MIB1: variants seen among roughly 807,000 people sequenced by gnomAD.
The protein encoded by MIB1 is E3 ubiquitin-protein ligase MIB1.
A neutral mutation model predicts 124.5 loss-of-function variants in MIB1; 278 were observed. That is an observed-to-expected ratio of 2.23 (90% CI 2.02 to 2.47). The LOEUF is 2.47. Among genes scored for constraint, MIB1 ranks in the 30% most tolerant of loss-of-function variants. MIB1 has a pLI of 0.00. For synonymous variants in MIB1, 446 were observed against 429.4 expected (o/e 1.04, Z -0.48); for missense variants, 957 against 1,254.4 (o/e 0.76, Z 3.58).
chr18:21,836,554 T>C (rs989382117), intron 12 of MIB1, among the ~76,000 whole-genome samples: 1 of 152,172 alleles, frequency 6.6e-6, no homozygotes. Flanking sequence ...TTATCAATTA[T>C]AGGCATCTAG....
intron 12 of MIB1, among the ~76,000 whole-genome samples, chr18:21,820,645 A>G (rs1459001898): frequency 6.6e-6 from 1 of 152,186 alleles, no homozygotes; most frequent in East Asian, 1.9e-4. Context: ...AGACAGTAGT[A>G]TTATATTTCC....
At chr18:21,752,281 A>G (rs990041789) in intron 1 of MIB1, among the ~76,000 whole-genome samples, 4 of 152,198 alleles carry the variant, frequency 2.6e-5, no homozygotes, top group African/African-American at 9.7e-5. Flanking sequence ...CTGCTCAACT[A>G]TCATATAATA....
At chr18:21,705,715 G>C (rs1200983380) in intron 1 of MIB1, among the ~76,000 whole-genome samples, 1 of 152,210 alleles carries the variant, frequency 6.6e-6, no homozygotes, top group Non-Finnish European at 1.5e-5. Flanking sequence ...ACATGAGACG[G>C]ACCAGAAGTG....
chr18:21,767,102 A>G lies in MIB1; in HGVS notation c.401+1159A>G, dbSNP rs144694362. Among the ~76,000 whole-genome samples the G allele has an allele frequency of 4.1e-3, 628 of 152,278 alleles. 2 individuals are homozygous for G. The highest frequency in any genetic ancestry group is 0.01 in the Middle Eastern group (3 of 294). On this transcript the variant is annotated intron_variant, in intron 2 of 20. Transcript: ENST00000261537. ...CTGTGAGAACAGGTTAGTGTAGGTA[A>G]AATCCAGACCACAGATGTATTTTAC...
At chr18:21,814,660 G>T (rs973265028) in intron 10 of MIB1, among the ~76,000 whole-genome samples, 1 of 151,896 alleles carries the variant, frequency 6.6e-6, no homozygotes, top group Non-Finnish European at 1.5e-5. Flanking sequence ...TGCAACCTCT[G>T]CCTCCCGGAT....
At chr18:21,736,344 A>C (rs892681982), upstream of MIB1, among the ~76,000 whole-genome samples, 3 of 152,218 alleles carry the variant, frequency 2.0e-5, no homozygotes, top group Admixed American at 2.0e-4. Flanking sequence ...ATCAACAAAA[A>C]GGACGTCATC....
At chr18:21,830,660 AG>A (rs2146491573) in intron 12 of MIB1, 1 of 152,264 alleles carries the variant, frequency 6.6e-6, no homozygotes, top group South Asian at 2.1e-4. Context: ...GCAGGAAGAA[AG>A]GTAGTAACCT....
intron 8 of MIB1, among the ~76,000 whole-genome samples, chr18:21,799,357 A>G (rs951699091): frequency 2.0e-5 from 3 of 152,024 alleles, no homozygotes. Context: ...GTTTCAACCT[A>G]AAGAAAATTG....
intron 1 of MIB1, among the ~76,000 whole-genome samples, chr18:21,729,591 T>G: frequency 6.6e-6 from 1 of 152,118 alleles, no homozygotes; most frequent in East Asian, 1.9e-4. Flanking sequence ...CCGGGTTCAA[T>G]TGATTCTCCC....
intron 1 of MIB1, among the ~76,000 whole-genome samples, chr18:21,760,105 G>C (rs993896458): frequency 3.9e-5 from 6 of 151,964 alleles, no homozygotes; most frequent in Admixed American, 3.9e-4. Flanking sequence ...CAAAGGAAAA[G>C]GGCATTAACT....
At chr18:21,719,981 A>G (rs2040707470) in intron 1 of MIB1, among the ~76,000 whole-genome samples, 1 of 152,162 alleles carries the variant, frequency 6.6e-6, no homozygotes, top group African/African-American at 2.4e-5. Flanking sequence ...CTAAGAATAA[A>G]ACGTTTAAAA....
intron 6 of MIB1, among the ~76,000 whole-genome samples, chr18:21,781,410 TATATAA>T (rs2041365554): frequency 6.2e-5 from 6 of 96,716 alleles, no homozygotes; most frequent in South Asian, 3.4e-4. Context: ...TATATATATA[TATATAA>T]AATTATTATT....
intron 18 of MIB1, chr18:21,854,842 G>C (rs937290268): frequency 9.7e-6 from 2 of 206,898 alleles, no homozygotes; most frequent in Non-Finnish European, 2.0e-5. Context: ...CTTGAAGTCT[G>C]CCTGGGCACA....
chr18:21,748,645 G>A (rs2040939446), intron 1 of MIB1, among the ~76,000 whole-genome samples: 1 of 150,902 alleles, frequency 6.6e-6, no homozygotes, highest in Non-Finnish European at 1.5e-5. Context: ...TGCCCAGGTT[G>A]GTCTTGAACT....
Position 21,844,250 on chromosome 18 carries a change from C to CA in MIB1, c.2209dup (p.Thr737AsnfsTer29). ...ATGCTGCCTGGGAGCCATCCAAAAACACGGTGAGTAAAGATCATCTTTCAT... is the reference window on the plus strand; with the variant it reads ...ATGCTGCCTGGGAGCCATCCAAAAACAACGGTGAGTAAAGATCATCTTTCAT... On this transcript the variant is annotated frameshift_variant, in exon 15 of 21. Transcript: ENST00000261537. LOFTEE classifies it high-confidence loss of function. 2 of 1,613,992 alleles carry CA rather than the reference C, an allele frequency of 1.2e-6. No homozygotes were observed. Among genetic ancestry groups the CA allele is most frequent in the Non-Finnish European group, 1.7e-6 (2 of 1,179,926 alleles).
rs2041336174 is a variant in MIB1, at chr18:21,779,690, G to A, written c.908+5G>A. The A allele has an allele frequency of 3.1e-6, 5 of 1,607,292 alleles. No individual in the cohort carries two copies. The highest frequency in any genetic ancestry group is 4.3e-6 in the Non-Finnish European group (5 of 1,174,048). The stretch of plus-strand genomic sequence containing the variant: ...ACAGTATCCAAGTGGCAATAGGTGG[G>A]TGATATCTCTCAATTTTTGACAATG... On this transcript the variant is annotated splice_donor_5th_base_variant and intron_variant, in intron 6 of 20. Coordinates refer to ENST00000261537, the MANE Select transcript of MIB1 (RefSeq NM_020774.4).
intron 12 of MIB1, among the ~76,000 whole-genome samples, chr18:21,829,767 A>C (rs1184506390): frequency 6.6e-6 from 1 of 152,122 alleles, no homozygotes; most frequent in African/African-American, 2.4e-5. Context: ...TATGAGTTGA[A>C]TACAAATTCA....
intron 1 of MIB1, among the ~76,000 whole-genome samples, chr18:21,756,418 A>T (rs2146393805): frequency 6.6e-6 from 1 of 152,234 alleles, no homozygotes; most frequent in Non-Finnish European, 1.5e-5. Context: ...AAATCAAATT[A>T]TGAGTTTTTA....
intron 12 of MIB1, among the ~76,000 whole-genome samples, chr18:21,823,707 TA>T: frequency 6.6e-6 from 1 of 152,232 alleles, no homozygotes; most frequent in East Asian, 1.9e-4. Context: ...TTGTGCTTTA[TA>T]AAGTTTGGAG....
Sources: allele counts gnomAD v4.1 joint callset (sites outside exome capture counted in the v4.1 genomes callset), GRCh38; gene constraint gnomAD v4.1.1; transcripts MANE v1.5; gene names NCBI Gene and HGNC (gene_info 2026-07-23, HGNC 2026-07-21).